Variants in URB1 observed in about 807,000 individuals in gnomAD.
The protein encoded by URB1 is URB1 ribosome biogenesis factor, also known as nucleolar pre-ribosomal-associated protein 1.
Under a neutral mutation model 242.3 loss-of-function variants are expected in URB1, and 197 were observed. The observed-to-expected ratio is 0.81, with a 90% CI of 0.72 to 0.91. URB1 has a LOEUF of 0.91. Among genes scored for constraint, URB1 ranks in the 40% least tolerant of loss-of-function variants. The pLI is 0.00. For missense variants in URB1, 2,721 were observed against 2,860.5 expected (o/e 0.95, Z 1.11); for synonymous variants, 1,153 against 1,201.8 (o/e 0.96, Z 0.84).
In URB1 at chr21:32,312,431, C is replaced by T; in HGVS notation, c.*2487G>A. 1.3e-6 allele frequency: 1 copy of T among 744,116 alleles called. No homozygotes were observed. The highest frequency in any genetic ancestry group is 1.8e-6 in the Non-Finnish European group (1 of 560,078). 46.1% of individuals were successfully genotyped at this position (744,116 alleles called of 1,614,324 possible). A position where few individuals can be genotyped will look rare whatever the true frequency, so the allele number is the denominator to read the frequency against. On this transcript the variant is annotated 3_prime_UTR_variant, in exon 39 of 39. Transcript: ENST00000382751. ...TCCAAGCTCCACTAACACCCGCCGG[C>T]TCCCCCAGATGTGATGGCATCTGCC...
intron 30 of URB1, among the ~76,000 whole-genome samples, chr21:32,326,743 G>GA (rs2032834490): frequency 6.6e-6 from 1 of 152,160 alleles, no homozygotes. Flanking sequence ...TACCATAATT[G>GA]AAAGTTTCCT....
chr21:32,330,629 G>C (rs1424215186), intron 30 of URB1, among the ~76,000 whole-genome samples: 11 of 152,106 alleles, frequency 7.2e-5, no homozygotes, highest in Non-Finnish European at 1.2e-4. Context: ...CAGTAGTCTT[G>C]CATTTTTTTA....
intron 22 of URB1, 21 bp downstream of exon 22, chr21:32,346,935 C>T (rs1403632833): frequency 1.4e-6 from 2 of 1,481,034 alleles, no homozygotes; most frequent in Non-Finnish European, 1.8e-6. Context: ...CCCAGCTGCC[C>T]AAAGCTAGCC....
At position 32,317,052 on chromosome 21, in the gene URB1, A is replaced by T; in HGVS notation, c.6048T>A (p.Asp2016Glu). 6.5e-7 allele frequency: 1 copy of T among 1,534,640 alleles called. No individual in the cohort carries two copies. Among genetic ancestry groups the T allele is most frequent in the Non-Finnish European group, 8.8e-7 (1 of 1,140,806 alleles). ...QARELMKMLK[D>E]KNKPVMPARA... is the part of the protein sequence containing the mutation. ...GGGCTGGCATGACAGGCTTGTTCTTATCCTTGAGCATTTCTGTTAAATGCA... is the reference window on the plus strand; with the variant it reads ...GGGCTGGCATGACAGGCTTGTTCTTTTCCTTGAGCATTTCTGTTAAATGCA... Residue 2016 changes from aspartate to glutamate, a missense_variant, in exon 38 of 39, where the codon GAT becomes GAA. By Grantham distance (45) the Asp-to-Glu change is conservative. Transcript: ENST00000382751.
intron 11 of URB1, 66 bp from the exon 12 acceptor site, chr21:32,362,087 C>G: frequency 6.6e-7 from 1 of 1,524,310 alleles, no homozygotes; most frequent in South Asian, 1.3e-5. Context: ...ATGAACTGAA[C>G]ACATTAACAA....
intron 30 of URB1, among the ~76,000 whole-genome samples, chr21:32,328,096 G>A (rs2032850866): frequency 6.6e-6 from 1 of 152,228 alleles, no homozygotes. Flanking sequence ...ATAGTCAGAT[G>A]ACTCTTGGGC....
At position 32,349,298 on chromosome 21, in the gene URB1, C is replaced by T. The variant is rs181916823; in HGVS notation, c.3012+6G>A. ...GAATAGGCTACCAGGCAACCTGTGG[C>T]GGTACCTGATCATTGGCCAACTCCA... On this transcript the variant is annotated splice_donor_region_variant and intron_variant, in intron 21 of 38. Transcript: ENST00000382751. The T allele has an allele frequency of 2.1e-5, 32 of 1,532,580 alleles. No homozygotes were observed. The highest frequency in any genetic ancestry group is 6.9e-5 in the African/African-American group (5 of 72,542). The allele number at this position is 1,532,580 out of a possible 1,614,324, so 94.9% of individuals were successfully genotyped here.
intron 26 of URB1, among the ~76,000 whole-genome samples, chr21:32,337,955 T>C (rs2032981741): frequency 6.6e-6 from 1 of 152,192 alleles, no homozygotes; most frequent in Non-Finnish European, 1.5e-5. Flanking sequence ...CCAGGCATGT[T>C]TTCCCCATGA....
chr21:32,311,408 A>AACCCC lies in URB1; in HGVS notation c.*3509_*3510insGGGGT. 6.1e-5 allele frequency: 13 copies of AACCCC among 212,654 alleles called. No individual in the cohort carries two copies. The highest frequency in any genetic ancestry group is 1.2e-4 in the South Asian group (2 of 16,590). 13.2% of individuals were successfully genotyped at this position (212,654 alleles called of 1,614,324 possible). ...ATGGGAGGTCAACCTGCTCCCCTCC[A>AACCCC]CCCCCCACCCCCCCCATCCTAAATC... is the stretch of plus-strand genomic sequence containing the variant. On this transcript the variant is annotated 3_prime_UTR_variant, in exon 39 of 39. Transcript: ENST00000382751.
chr21:32,323,534 C>T (rs983801518), intron 32 of URB1, among the ~76,000 whole-genome samples: 3 of 152,344 alleles, frequency 2.0e-5, no homozygotes, highest in Admixed American at 6.5e-5. Flanking sequence ...GTGGATTACA[C>T]ATGTGCAGTA....
chr21:32,353,049 G>A, intron 18 of URB1, 143 bp from the exon 19 acceptor site: 1 of 826,988 alleles, frequency 1.2e-6, no homozygotes, highest in Non-Finnish European at 1.8e-6. Context: ...CACAGGGAAG[G>A]AATTGCTACT....
Position 32,338,825 on chromosome 21 carries a change from G to C in URB1, c.4392C>G (p.Ser1464=), listed in dbSNP as rs146193643. The change falls in exon 26 of 39, where the codon TCC becomes TCG. Residue 1464 remains serine, a synonymous_variant. Transcript: ENST00000382751. ...GGAGCTGGATGAGCTTCGTGCGCAC[G>C]GAGCTTTCTGGGCTGTACAGGAGCT... ...AVQLLYSPES[S]VRTKLIQLPV... 12 of 1,551,596 alleles carry C rather than the reference G, an allele frequency of 7.7e-6. No homozygotes were observed. The highest frequency in any genetic ancestry group is 1.7e-4 in the Middle Eastern group (1 of 6,014).
At chr21:32,360,872 A>G in intron 13 of URB1, 135 bp downstream of exon 13, 1 of 555,884 alleles carries the variant, frequency 1.8e-6, no homozygotes, top group East Asian at 3.2e-5. Context: ...ATACTGATGC[A>G]AGTACAATTT....
intron 11 of URB1, 72 bp downstream of exon 11, chr21:32,363,084 C>G: frequency 6.7e-7 from 1 of 1,499,968 alleles, no homozygotes; most frequent in Middle Eastern, 2.3e-4. Context: ...GGCTTCCACC[C>G]TAGGGCTGCA....
rs368641919 is a variant in URB1, at chr21:32,383,047, A to AAC, written c.567+373_567+374dup. On this transcript the variant is annotated intron_variant, in intron 4 of 38. Coordinates refer to ENST00000382751, the MANE Select transcript of URB1 (RefSeq NM_014825.3). ...CAAGGGCTTTCTCCGAGGTGGGCAG[A>AAC]ACAGGAACAGAGGACTGGCACACAC... Among the ~76,000 whole-genome samples the AAC allele has an allele frequency of 2.9e-3, 448 of 152,326 alleles. 3 individuals carry two copies. Among genetic ancestry groups the AAC allele is most frequent in the African/African-American group, 0.01 (432 of 41,568 alleles).
Position 32,337,430 on chromosome 21 carries a change from G to GC in URB1, c.4594dup (p.Ala1532GlyfsTer21). ...TAGGACGCTGAGAGTGGCGCCATAG[G>GC]CCCCGAGAAGCACTGCAAAGTGGCT... On this transcript the variant is annotated frameshift_variant, in exon 27 of 39. Transcript: ENST00000382751. LOFTEE classifies it high-confidence loss of function. 3 of 1,551,580 alleles carry GC rather than the reference G, an allele frequency of 1.9e-6. No individual in the cohort carries two copies. The highest frequency in any genetic ancestry group is 1.7e-4 in the Middle Eastern group (1 of 5,990).
At chr21:32,349,524 G>T (rs1193537716) in intron 20 of URB1, 41 bp from the exon 21 acceptor site, 2 of 1,493,758 alleles carry the variant, frequency 1.3e-6, no homozygotes, top group Non-Finnish European at 8.9e-7. Context: ...GGAAGAGACG[G>T]GTTCACAGCT....
rs2033656789 is a variant in URB1 at position 32,392,914 on chromosome 21, C to T, written c.-4G>A. The T allele has an allele frequency of 6.6e-7, 1 of 1,510,502 alleles. No homozygotes were observed. The highest frequency in any genetic ancestry group is 8.8e-7 in the Non-Finnish European group (1 of 1,132,556). The allele number at this position is 1,510,502 out of a possible 1,614,324, so 93.6% of individuals were successfully genotyped here. On this transcript the variant is annotated 5_prime_UTR_variant, in exon 1 of 39. Transcript: ENST00000382751. ...CCTTCCTCTTGGGGACCCCCATGGC[C>T]GAGAGGGCGGAAGCGCGACGGAAAC... is the stretch of plus-strand genomic sequence containing the variant.
intron 21 of URB1, among the ~76,000 whole-genome samples, chr21:32,348,696 A>T (rs915169250): frequency 3.3e-5 from 5 of 152,228 alleles, no homozygotes; most frequent in African/African-American, 1.2e-4. Context: ...GCACGATTAC[A>T]TATTGAGAAT....
Sources: allele counts gnomAD v4.1 joint callset (sites outside exome capture counted in the v4.1 genomes callset), GRCh38; gene constraint gnomAD v4.1.1; transcripts MANE v1.5; gene names NCBI Gene and HGNC (gene_info 2026-07-23, HGNC 2026-07-21).